DLGAP2: variants seen among roughly 807,000 people sequenced by gnomAD.
DLGAP2 encodes the protein disks large-associated protein 2.
DLGAP2 carries 26 observed loss-of-function variants against 100.3 expected under a neutral mutation model. That is an observed-to-expected ratio of 0.26 (90% CI 0.19 to 0.36). The LOEUF (loss-of-function observed/expected upper bound fraction) is 0.36. Ranked by LOEUF, DLGAP2 falls within the 10% of genes least tolerant of loss-of-function variation. The probability of loss-of-function intolerance (pLI) is 1.00; values close to 1 mark genes in which losing one functional copy is unlikely to be tolerated. For synonymous variants in DLGAP2, 886 were observed against 630.1 expected, an observed-to-expected ratio of 1.41 and a Z score of -6.08; for missense variants, 1,858 against 1,453.2, an observed-to-expected ratio of 1.28 and a Z score of -4.53.
intron 2 of DLGAP2, among the ~76,000 whole-genome samples, chr8:1,042,822 G>A (rs1802396405): frequency 7.6e-6 from 1 of 130,980 alleles, no homozygotes; most frequent in Non-Finnish European, 1.6e-5. Flanking sequence ...GTGGATGTGG[G>A]TGGTGGGTGT....
At chr8:1,312,527 G>A (rs572778720) in intron 3 of DLGAP2, among the ~76,000 whole-genome samples, 152 of 152,276 alleles carry the variant, frequency 1.0e-3, no homozygotes, top group Non-Finnish European at 1.9e-3. Flanking sequence ...AGGGTTTCTG[G>A]GGGCTTGGGG....
At chr8:1,254,843 C>T (rs540760829) in intron 2 of DLGAP2, among the ~76,000 whole-genome samples, 4 of 119,184 alleles carry the variant, frequency 3.4e-5, no homozygotes, top group South Asian at 2.8e-4. Flanking sequence ...ACTTTTCCTC[C>T]GTGGGCCTCA....
intron 3 of DLGAP2, among the ~76,000 whole-genome samples, chr8:1,344,623 G>A (rs577709674): frequency 2.6e-5 from 4 of 152,236 alleles, no homozygotes; most frequent in Non-Finnish European, 5.9e-5. Flanking sequence ...AGGAAAACCC[G>A]GCACTGGTCT....
At position 1,469,060 on chromosome 8, in the gene DLGAP2, ACACAGTT is replaced by A. The variant is rs1232052713; in HGVS notation, c.107-32303_107-32297del. Among the ~76,000 whole-genome samples the A allele has an allele frequency of 1.3e-3, 196 of 152,354 alleles. 2 individuals are homozygous for A. The highest frequency in any genetic ancestry group is 4.4e-3 in the African/African-American group (183 of 41,588). The stretch of plus-strand genomic sequence containing the variant: ...GGCTGTCAACACATCCTTCTAGGGG[ACACAGTT>A]CAACGCATGACATGTCCTGTCATTC... On this transcript the variant is annotated intron_variant, in intron 3 of 14. Transcript: ENST00000637795.
chr8:948,022 C>T (rs1003474365), intron 2 of DLGAP2, among the ~76,000 whole-genome samples: 14 of 148,592 alleles, frequency 9.4e-5, no homozygotes, highest in African/African-American at 2.7e-4. Flanking sequence ...TCCCCCGACC[C>T]CGTGCCAGCC....
At chr8:965,123 G>T (rs1350142457) in intron 2 of DLGAP2, among the ~76,000 whole-genome samples, 1 of 147,432 alleles carries the variant, frequency 6.8e-6, no homozygotes. Flanking sequence ...CCCGACCCCC[G>T]CATGCACACG....
chr8:1,699,374 G>A (rs1799504922), intron 14 of DLGAP2, among the ~76,000 whole-genome samples: 1 of 151,992 alleles, frequency 6.6e-6, no homozygotes, highest in Admixed American at 6.6e-5. Flanking sequence ...GGGAGGCCTA[G>A]GCAGGTGGAT....
At chr8:1,196,711 C>T (rs563834425) in intron 2 of DLGAP2, among the ~76,000 whole-genome samples, 7 of 152,258 alleles carry the variant, frequency 4.6e-5, no homozygotes, top group East Asian at 1.9e-4. Flanking sequence ...CCCAAGCAGC[C>T]GCACGTTGTC....
At chr8:1,154,258 C>T (rs1165459532) in intron 2 of DLGAP2, among the ~76,000 whole-genome samples, 1 of 152,166 alleles carries the variant, frequency 6.6e-6, no homozygotes, top group Non-Finnish European at 1.5e-5. Context: ...GCAAATGACA[C>T]TAATGTCAGG....
chr8:979,770 A>G (rs1221307927), intron 2 of DLGAP2, among the ~76,000 whole-genome samples: 1 of 152,224 alleles, frequency 6.6e-6, no homozygotes, highest in Non-Finnish European at 1.5e-5. Flanking sequence ...TTAAGGAAGG[A>G]TTAGGATATT....
At chr8:1,207,432 G>T (rs763106413) in intron 2 of DLGAP2, among the ~76,000 whole-genome samples, 3 of 152,172 alleles carry the variant, frequency 2.0e-5, no homozygotes, top group Non-Finnish European at 4.4e-5. Context: ...TGGCTGAGTA[G>T]TATTCCATGG....
At chr8:1,537,768 AG>A in intron 4 of DLGAP2, among the ~76,000 whole-genome samples, 1 of 149,774 alleles carries the variant, frequency 6.7e-6, no homozygotes, top group Non-Finnish European at 1.5e-5. Context: ...GAAGGAAGGA[AG>A]GAAGGAAGGA....
At chr8:1,563,995 C>T (rs1428071183) in intron 5 of DLGAP2, among the ~76,000 whole-genome samples, 1 of 152,150 alleles carries the variant, frequency 6.6e-6, no homozygotes, top group Non-Finnish European at 1.5e-5. Context: ...TTTTCTTTCT[C>T]TGTAAACAGC....
chr8:1,622,625 C>G (rs114782531), intron 6 of DLGAP2, among the ~76,000 whole-genome samples: 10 of 152,122 alleles, frequency 6.6e-5, no homozygotes, highest in Non-Finnish European at 1.5e-4. Flanking sequence ...CTTTCCGTCT[C>G]GCCTGTTTGT....
At chr8:776,885 G>T (rs1821534172) in intron 1 of DLGAP2, among the ~76,000 whole-genome samples, 1 of 152,140 alleles carries the variant, frequency 6.6e-6, no homozygotes. Context: ...GCAGAGCTGA[G>T]TTCAATTCCT....
rs139813726 is a variant in DLGAP2 at position 1,272,189 on chromosome 8, A to G, written c.106+13306A>G. On this transcript the variant is annotated intron_variant, in intron 3 of 14. Coordinates refer to ENST00000637795, the MANE Select transcript of DLGAP2 (RefSeq NM_001346810.2). ...TTGATGTAATCACATTTTAAAAGCA[A>G]TTAGGATACCCTCATTTTAGGTAAA... is the stretch of plus-strand genomic sequence containing the variant. 4.1e-3 allele frequency among the ~76,000 whole-genome samples: 626 copies of G among 152,330 alleles called. 4 individuals are homozygous for G. The highest frequency in any genetic ancestry group is 0.014 in the African/African-American group (587 of 41,560).
intron 1 of DLGAP2, among the ~76,000 whole-genome samples, chr8:845,000 G>T (rs1797047912): frequency 6.6e-6 from 1 of 152,110 alleles, no homozygotes; most frequent in Non-Finnish European, 1.5e-5. Flanking sequence ...GTCATGTCAG[G>T]TATTTTCTTT....
At chr8:997,002 A>G (rs1221944777) in intron 2 of DLGAP2, among the ~76,000 whole-genome samples, 4 of 152,344 alleles carry the variant, frequency 2.6e-5, no homozygotes, top group Admixed American at 6.5e-5. Flanking sequence ...GTGGACAACA[A>G]TGTATGATGG....
intron 1 of DLGAP2, among the ~76,000 whole-genome samples, chr8:903,037 G>A (rs1798295141): frequency 6.9e-6 from 1 of 145,556 alleles, no homozygotes; most frequent in East Asian, 2.1e-4. Flanking sequence ...GAAAGAGTGC[G>A]GGTGGACGGG....
Sources: allele counts gnomAD v4.1 joint callset (sites outside exome capture counted in the v4.1 genomes callset), GRCh38; gene constraint gnomAD v4.1.1; transcripts MANE v1.5; gene names NCBI Gene and HGNC (gene_info 2026-07-23, HGNC 2026-07-21).